PHF19: variants seen among roughly 807,000 people sequenced by gnomAD.
PHF19 encodes PHD finger protein 19.
Under a neutral mutation model 79.8 loss-of-function variants are expected in PHF19, and 21 were observed. The observed-to-expected ratio is 0.26, with a 90% CI of 0.19 to 0.38. PHF19 has a LOEUF of 0.38. Ranked by LOEUF, PHF19 falls within the 10% of genes least tolerant of loss-of-function variation. The pLI is 1.00. For missense variants in PHF19, 445 were observed against 744.2 expected (o/e 0.60, Z 4.68); for synonymous variants, 273 against 296.3 (o/e 0.92, Z 0.81).
In PHF19 at chr9:120,862,177, T is replaced by C. The variant is rs2045549450; in HGVS notation, c.1131-172A>G. On this transcript the variant is annotated intron_variant, in intron 11 of 14. Transcript: ENST00000373896. This position sits in a 1 kb window ranked among gnomAD's most constrained non-coding sequence, Gnocchi z 4.6. ...GAGGAGGGAGAGTCCTCAGGAGCAGTAGGGGTGGGAAGGTGTGGAGAAGGT... is the reference window on the plus strand; with the variant it reads ...GAGGAGGGAGAGTCCTCAGGAGCAGCAGGGGTGGGAAGGTGTGGAGAAGGT... 6.6e-6 allele frequency among the ~76,000 whole-genome samples: 1 copy of C among 151,858 alleles called. No individual in the cohort carries two copies. Among genetic ancestry groups the C allele is most frequent in the African/African-American group, 2.4e-5 (1 of 41,338 alleles).
At chr9:120,893,298 G>A (rs532441052) in intron 1 of PHF19, among the ~76,000 whole-genome samples, 1 of 152,290 alleles carries the variant, frequency 6.6e-6, no homozygotes, top group African/African-American at 2.4e-5. Flanking sequence ...TCAATAAAAT[G>A]GGGAGGCCTT....
intron 3 of PHF19, among the ~76,000 whole-genome samples, chr9:120,872,534 G>T (rs1005650066): frequency 1.3e-5 from 2 of 152,170 alleles, no homozygotes; most frequent in African/African-American, 4.8e-5. Flanking sequence ...CTATTTCAGG[G>T]GTTGGAGAGG....
At chr9:120,903,921 C>G in the PHF19 span, 1 of 152,258 alleles carries the variant, frequency 6.6e-6, no homozygotes, top group African/African-American at 2.4e-5. Context: ...TCAAACCTGG[C>G]TCAGTACAAA....
Position 120,869,768 on chromosome 9 carries a change from C to G in PHF19, c.465+77G>C. 6.2e-7 allele frequency: 1 copy of G among 1,603,536 alleles called. No individual in the cohort carries two copies. Among genetic ancestry groups the G allele is most frequent in the Non-Finnish European group, 8.5e-7 (1 of 1,175,432 alleles). ...GTGGCCCTTCTGCTTGGAGCTCAGACTCTGTGATGGGAGTCTCTGGTCTGC... is the reference window on the plus strand; with the variant it reads ...GTGGCCCTTCTGCTTGGAGCTCAGAGTCTGTGATGGGAGTCTCTGGTCTGC... On this transcript the variant is annotated intron_variant, in intron 5 of 14. Coordinates refer to ENST00000373896, the MANE Select transcript of PHF19 (RefSeq NM_015651.3). This position sits in a 1 kb window ranked among gnomAD's most constrained non-coding sequence, Gnocchi z 5.8.
At chr9:120,865,577 G>C (rs1335223926) in intron 9 of PHF19, 133 bp downstream of exon 9, 2 of 1,152,546 alleles carry the variant, frequency 1.7e-6, no homozygotes, top group Non-Finnish European at 2.5e-6. Flanking sequence ...AAGGACACAA[G>C]ATCAGAGGCC....
In PHF19 at chr9:120,874,491, C is replaced by T. The variant is rs2045990627; in HGVS notation, c.186+65G>A. On this transcript the variant is annotated intron_variant, in intron 2 of 14. Coordinates refer to ENST00000373896, the MANE Select transcript of PHF19 (RefSeq NM_015651.3). The surrounding 1 kb of genome is among the most constrained non-coding windows in gnomAD (Gnocchi z 4.5). ...ATCCCCCTGCCCCCTGGTCTGACAGCCAGGCTGGAACATGAGCAGAGAGAT... is the reference window on the plus strand; with the variant it reads ...ATCCCCCTGCCCCCTGGTCTGACAGTCAGGCTGGAACATGAGCAGAGAGAT... 4 of 1,116,850 alleles carry T rather than the reference C, an allele frequency of 3.6e-6. No individual in the cohort carries two copies. The highest frequency in any genetic ancestry group is 4.0e-6 in the Non-Finnish European group (3 of 749,530). The allele number at this position is 1,116,850 out of a possible 1,614,324, so 69.2% of individuals were successfully genotyped here. A position where few individuals can be genotyped will look rare whatever the true frequency, so the allele number is the denominator to read the frequency against.
At chr9:120,880,023 G>A (rs1395757734), upstream of PHF19, among the ~76,000 whole-genome samples, 2 of 152,182 alleles carry the variant, frequency 1.3e-5, no homozygotes, top group African/African-American at 2.4e-5. Flanking sequence ...GGGTGAGGAT[G>A]TCGCACAGTT....
At chr9:120,871,899 G>A (rs1296373095) in intron 3 of PHF19, among the ~76,000 whole-genome samples, 3 of 151,774 alleles carry the variant, frequency 2.0e-5, no homozygotes, top group Non-Finnish European at 4.4e-5. Flanking sequence ...TTAGCTAGGC[G>A]TGGTGGCACG....
At position 120,869,826 on chromosome 9, in the gene PHF19, G is replaced by C. The variant is rs746678200; in HGVS notation, c.465+19C>G. Reference sequence around the variant, plus strand: ...GAGGAGGCAGGAGAGGCAGGGACTGGGGAGGATGGAAGGCTCACCCGCACA... The same window carrying C: ...GAGGAGGCAGGAGAGGCAGGGACTGCGGAGGATGGAAGGCTCACCCGCACA... On this transcript the variant is annotated intron_variant, in intron 5 of 14. Coordinates refer to ENST00000373896, the MANE Select transcript of PHF19 (RefSeq NM_015651.3). This position sits in a 1 kb window ranked among gnomAD's most constrained non-coding sequence, Gnocchi z 5.8. 11 of 1,613,012 alleles carry C rather than the reference G, an allele frequency of 6.8e-6. No homozygotes were observed. The highest frequency in any genetic ancestry group is 7.6e-6 in the Non-Finnish European group (9 of 1,179,664).
Position 120,869,684 on chromosome 9 carries a change from G to A in PHF19, c.465+161C>T. 1 of 1,550,932 alleles carries A rather than the reference G, an allele frequency of 6.4e-7. No homozygotes were observed. On this transcript the variant is annotated intron_variant, in intron 5 of 14. Coordinates refer to ENST00000373896, the MANE Select transcript of PHF19 (RefSeq NM_015651.3). This position sits in a 1 kb window ranked among gnomAD's most constrained non-coding sequence, Gnocchi z 5.8. ...AGTTGAGGAAACTGAGGCTCAGGGA[G>A]TCTACAAATCCTGGCCAAGGACAGT... is the stretch of plus-strand genomic sequence containing the variant.
At position 120,861,933 on chromosome 9, in the gene PHF19, T is replaced by C; in HGVS notation, c.1203A>G (p.Glu401=). The C allele has an allele frequency of 3.1e-6, 5 of 1,611,066 alleles. No individual in the cohort carries two copies. Among genetic ancestry groups the C allele is most frequent in the Non-Finnish European group, 4.2e-6 (5 of 1,177,132 alleles). Reference sequence around the variant, plus strand: ...AGGAACTAACACTGGGAATAGCATCTTCCAGCAAAAACTTTGATCTTTTTC... The same window carrying C: ...AGGAACTAACACTGGGAATAGCATCCTCCAGCAAAAACTTTGATCTTTTTC... ...YRRKRSKFLL[E]DAIPSSDFTS... Residue 401 remains glutamate (E), a synonymous_variant, in exon 12 of 15, where the codon GAA becomes GAG. Transcript: ENST00000373896.
chr9:120,894,982 C>T (rs138504414), upstream of PHF19: 2,636 of 374,320 alleles, frequency 7.0e-3, 16 homozygotes, highest in Middle Eastern at 0.01. Flanking sequence ...GGGAGCCTGC[C>T]ATGGGCGAGG....
rs965399845 is a variant in PHF19, at chr9:120,856,575, A to C, written c.*1369T>G. Reference sequence around the variant, plus strand: ...ATATCTCTGGAAGCAGCAAAACATCAGGGGTCCTCTTCCCCCTCCCAATTT... The same window carrying C: ...ATATCTCTGGAAGCAGCAAAACATCCGGGGTCCTCTTCCCCCTCCCAATTT... On this transcript the variant is annotated 3_prime_UTR_variant, in exon 15 of 15. Coordinates refer to ENST00000373896, the MANE Select transcript of PHF19 (RefSeq NM_015651.3). 6.6e-6 allele frequency: 1 copy of C among 152,370 alleles called. No individual in the cohort carries two copies. Among genetic ancestry groups the C allele is most frequent in the Middle Eastern group, 3.4e-3 (1 of 294 alleles). The allele number at this position is 152,370 out of a possible 1,614,324, so 9.4% of individuals were successfully genotyped here.
At chr9:120,892,856 C>T (rs1406726611) in intron 1 of PHF19, among the ~76,000 whole-genome samples, 1 of 152,194 alleles carries the variant, frequency 6.6e-6, no homozygotes, top group Non-Finnish European at 1.5e-5. Context: ...TTGAATGATT[C>T]ATTTTGTGGT....
Position 120,858,238 on chromosome 9 carries a change from CATGTA to C in PHF19, c.1444_1448del (p.Tyr482AlafsTer10). On this transcript the variant is annotated frameshift_variant, in exon 15 of 15. Transcript: ENST00000373896. LOFTEE classifies it high-confidence loss of function. ...CTGCCCACCGCTTTGCCCGCAGGGGCATGTATGCCTTGGCTGCCAGCTTCCTCTTT... is the reference window on the plus strand; with the variant it reads ...CTGCCCACCGCTTTGCCCGCAGGGGCTGCCTTGGCTGCCAGCTTCCTCTTT... 6.4e-7 allele frequency: 1 copy of C among 1,559,262 alleles called. No homozygotes were observed. The highest frequency in any genetic ancestry group is 1.2e-5 in the South Asian group (1 of 84,060).
rs1460549198 is a variant in PHF19 at position 120,858,823 on chromosome 9, A to ACT, written c.1401-538_1401-537insAG. ...AGACTGACAGACATCACACACACAC[A>ACT]CACACACACACACACACACACACAC... On this transcript the variant is annotated intron_variant, in intron 14 of 14. Coordinates refer to ENST00000373896, the MANE Select transcript of PHF19 (RefSeq NM_015651.3). Among the ~76,000 whole-genome samples the ACT allele has an allele frequency of 1.5e-3, 226 of 150,358 alleles. 1 individual carries two copies. Among genetic ancestry groups the ACT allele is most frequent in the Admixed American group, 2.4e-3 (36 of 15,052 alleles).
Position 120,870,864 on chromosome 9 carries a change from A to G in PHF19, c.269-326T>C, listed in dbSNP as rs2045875289. ...CGCCTTATTTAACTTGTTTTGTTAA[A>G]TGGTTGTTATTTTCTTAAAACTTTA... On this transcript the variant is annotated intron_variant, in intron 3 of 14. Coordinates refer to ENST00000373896, the MANE Select transcript of PHF19 (RefSeq NM_015651.3). The surrounding 1 kb of genome is among the most constrained non-coding windows in gnomAD (Gnocchi z 4.4). 6.6e-6 allele frequency among the ~76,000 whole-genome samples: 1 copy of G among 152,182 alleles called. No individual in the cohort carries two copies. Among genetic ancestry groups the G allele is most frequent in the Non-Finnish European group, 1.5e-5 (1 of 68,032 alleles).
At chr9:120,868,810 C>G in intron 6 of PHF19, 2 of 1,027,078 alleles carry the variant, frequency 1.9e-6, no homozygotes, top group South Asian at 7.9e-5. Flanking sequence ...TGCCTCACCT[C>G]CCTGGGGCCC....
chr9:120,865,962 G>A, intron 8 of PHF19, 66 bp downstream of exon 8: 1 of 1,558,126 alleles, frequency 6.4e-7, no homozygotes. Context: ...AATTGTTCCA[G>A]GAGGGAGGAG....
Sources: allele counts gnomAD v4.1 joint callset (sites outside exome capture counted in the v4.1 genomes callset), GRCh38; gene constraint gnomAD v4.1.1; non-coding constraint Gnocchi (gnomAD v3.1); transcripts MANE v1.5; gene names NCBI Gene and HGNC (gene_info 2026-07-23, HGNC 2026-07-21).